The following NOMO1 variants were observed in gnomAD, a reference collection of about 807,000 sequenced individuals.
The protein encoded by NOMO1 is NODAL modulator 1, also known as nodal modulator 3.
NOMO1 carries 40 observed loss-of-function variants against 133.8 expected under a neutral mutation model. That is an observed-to-expected ratio of 0.30 (90% CI 0.23 to 0.39). The LOEUF is 0.39. NOMO1 is among the 10% of genes least tolerant of loss of function. The pLI, the probability that NOMO1 is intolerant of heterozygous loss-of-function variation, is 1.00. For synonymous variants in NOMO1, 236 were observed against 570.5 expected, an observed-to-expected ratio of 0.41 and a Z score of 8.36; for missense variants, 462 against 1,419.9, an observed-to-expected ratio of 0.33 and a Z score of 10.84.
chr16:14,884,460 C>G lies in NOMO1; in HGVS notation c.3200C>G (p.Ser1067Cys). The change falls in exon 27 of 31, where the codon TCT (serine) becomes TGT (cysteine). Residue 1067 changes from serine to cysteine, a missense_variant. Ser to Cys is a moderately radical substitution (Grantham distance 112, BLOSUM62 -1). Coordinates refer to ENST00000287667, the MANE Select transcript of NOMO1 (RefSeq NM_014287.4). ...FDLSGNVITS[S>C]EYLPTLWVKL... ...TTAAGTGGAAATGTGATCACTTCCT[C>G]TGAATACCTTCCTACATTATGGGTA... 6.2e-7 allele frequency: 1 copy of G among 1,611,602 alleles called. No individual in the cohort carries two copies. The highest frequency in any genetic ancestry group is 8.5e-7 in the Non-Finnish European group (1 of 1,179,758).
intron 11 of NOMO1, among the ~76,000 whole-genome samples, chr16:14,861,909 C>T (rs62038466): frequency 3.4e-5 from 5 of 146,002 alleles, no homozygotes; most frequent in African/African-American, 1.0e-4. Flanking sequence ...CATACACAAA[C>T]GGGAGGGGGG....
At chr16:14,888,657 A>T (rs1964362509) in intron 28 of NOMO1, 2 of 290,158 alleles carry the variant, frequency 6.9e-6, no homozygotes, top group African/African-American at 2.2e-5. Flanking sequence ...CGTTCCAGGG[A>T]TGCTGTATTT....
At chr16:14,846,259 T>C (rs1244399210) in intron 4 of NOMO1, among the ~76,000 whole-genome samples, 1 of 150,880 alleles carries the variant, frequency 6.6e-6, no homozygotes, top group Admixed American at 6.6e-5. Context: ...ACTCCTGACC[T>C]CAAGTGGTCT....
At chr16:14,883,631 C>G (rs1330313538) in intron 26 of NOMO1, among the ~76,000 whole-genome samples, 1 of 151,412 alleles carries the variant, frequency 6.6e-6, no homozygotes, top group Non-Finnish European at 1.5e-5. Context: ...CGCACTGGGC[C>G]GGAAGTGGAT....
intron 3 of NOMO1, among the ~76,000 whole-genome samples, chr16:14,843,001 A>G (rs1963628453): frequency 2.8e-5 from 4 of 143,020 alleles, no homozygotes; most frequent in South Asian, 2.3e-4. Flanking sequence ...GTTCACTGCA[A>G]CTTCTGCCCG....
chr16:14,836,379 A>C (rs1963508704), intron 1 of NOMO1, among the ~76,000 whole-genome samples: 1 of 152,056 alleles, frequency 6.6e-6, no homozygotes, highest in African/African-American at 2.4e-5. Context: ...CCAAATGTTC[A>C]AATGTTCGTT....
chr16:14,838,239 G>A (rs573513303), intron 1 of NOMO1, among the ~76,000 whole-genome samples, 168 bp from the exon 2 acceptor site: 6 of 152,082 alleles, frequency 3.9e-5, no homozygotes, highest in African/African-American at 2.4e-5. Flanking sequence ...CATGATTTGG[G>A]AGAGAGTTTG....
intron 24 of NOMO1, among the ~76,000 whole-genome samples, chr16:14,881,079 A>C (rs897365703): frequency 1.3e-5 from 2 of 152,046 alleles, no homozygotes; most frequent in East Asian, 1.9e-4. Context: ...AGATGCATAC[A>C]TATATACATG....
intron 30 of NOMO1, 132 bp downstream of exon 30, chr16:14,895,222 G>A (rs1964471619): frequency 1.0e-6 from 1 of 1,001,624 alleles, no homozygotes; most frequent in Non-Finnish European, 1.5e-6. Context: ...GGCCCGTGAA[G>A]GCCTCAAGTC....
chr16:14,884,316 A>C (rs1044630728), intron 26 of NOMO1, 56 bp from the exon 27 acceptor site: 4 of 1,189,026 alleles, frequency 3.4e-6, no homozygotes, highest in Non-Finnish European at 4.9e-6. Flanking sequence ...GACAGCTGGC[A>C]TAGAAGTTCC....
chr16:14,892,198 T>C (rs1489203898), intron 29 of NOMO1, among the ~76,000 whole-genome samples: 2 of 151,174 alleles, frequency 1.3e-5, no homozygotes, highest in Non-Finnish European at 2.9e-5. Flanking sequence ...TGAGCTAAGA[T>C]AGCCCCAGTG....
chr16:14,839,352 G>A lies in NOMO1; in HGVS notation c.255+856G>A, dbSNP rs561397246. 6.6e-5 allele frequency among the ~76,000 whole-genome samples: 10 copies of A among 151,946 alleles called. No homozygotes were observed. The South Asian group carries it at 1.0e-3, about 16-fold the overall frequency. Reference sequence around the variant, plus strand: ...ATTACAGGTGTGAGCCGATGTTTCCGGCCCTCTTATAAAATTTTGATGTGC... The same window carrying A: ...ATTACAGGTGTGAGCCGATGTTTCCAGCCCTCTTATAAAATTTTGATGTGC... On this transcript the variant is annotated intron_variant, in intron 2 of 30. Transcript: ENST00000287667.
chr16:14,867,248 T>C (rs866037244), intron 15 of NOMO1, among the ~76,000 whole-genome samples: 904 of 63,922 alleles, frequency 0.014, 3 homozygotes, highest in African/African-American at 0.023. Flanking sequence ...AGTGCAGTGG[T>C]GCAATCTCGG....
rs760963208 is a variant in NOMO1, at chr16:14,866,515, T to C, written c.1670-40T>C. On this transcript the variant is annotated intron_variant, in intron 14 of 30. Transcript: ENST00000287667. ...GGTGGCGTGGAGGGAGGTGGTGTGC[T>C]CCACGCCCATGTATCCGTTTTTGGT... 5.0e-6 allele frequency: 8 copies of C among 1,610,144 alleles called. 1 individual carries two copies. The African/African-American group carries it at 5.4e-5, about 11-fold the overall frequency.
chr16:14,860,975 C>T (rs1417603503), intron 11 of NOMO1, among the ~76,000 whole-genome samples: 1 of 145,996 alleles, frequency 6.8e-6, no homozygotes, highest in African/African-American at 2.6e-5. Context: ...CTGCCCCAGC[C>T]TCCTGAGTAG....
At position 14,881,216 on chromosome 16, in the gene NOMO1, A is replaced by G. The variant is rs552236222; in HGVS notation, c.2886-328A>G. Among the ~76,000 whole-genome samples the G allele has an allele frequency of 2.6e-5, 4 of 152,202 alleles. No homozygotes were observed. In the South Asian group the frequency reaches 8.3e-4, roughly 32 times the overall value. ...CATTTTCTACTGAATATATGGAGTG[A>G]AAGAGGAAGTGAGTTATTTCCATGT... On this transcript the variant is annotated intron_variant, in intron 24 of 30. Transcript: ENST00000287667.
chr16:14,886,842 C>T lies in NOMO1; in HGVS notation c.3304C>T (p.Pro1102Ser), dbSNP rs1186109090. 3 of 1,611,804 alleles carry T rather than the reference C, an allele frequency of 1.9e-6. No individual in the cohort carries two copies. The highest frequency in any genetic ancestry group is 2.5e-6 in the Non-Finnish European group (3 of 1,179,826). Residue 1102 changes from proline (P) to serine (S), a missense_variant, in exon 28 of 31, where the codon CCA becomes TCA. Pro to Ser is a moderately conservative substitution (Grantham distance 74, BLOSUM62 -1). Coordinates refer to ENST00000287667, the MANE Select transcript of NOMO1 (RefSeq NM_014287.4). ...CCAGTCCCTGTTCTTCCATTTCCCC[C>T]CACTGCTCAGAGACGGCGAGGTAAT... ...LGQSLFFHFP[P>S]LLRDGENYVV...
chr16:14,871,747 A>G (rs1964085233), intron 17 of NOMO1, 63 bp downstream of exon 17: 1 of 1,478,218 alleles, frequency 6.8e-7, no homozygotes, highest in Non-Finnish European at 9.2e-7. Context: ...TTCTTCATTT[A>G]CTTCAGAGAA....
intron 9 of NOMO1, among the ~76,000 whole-genome samples, chr16:14,855,636 C>T (rs1179779249): frequency 6.6e-6 from 1 of 151,870 alleles, no homozygotes; most frequent in African/African-American, 2.4e-5. Flanking sequence ...GAAGATGAAG[C>T]CTTTACTTTG....
Sources: gnomAD v4.1 joint callset for allele counts (sites outside exome capture counted in the v4.1 genomes callset) on GRCh38, gnomAD v4.1.1 for gene constraint, MANE v1.5 for transcripts, NCBI Gene and HGNC (gene_info 2026-07-23, HGNC 2026-07-21) for gene names.